The following TYRP1 variants were observed in gnomAD, a reference collection of about 807,000 sequenced individuals.
TYRP1 encodes tyrosinase related protein 1, also known as 5,6-dihydroxyindole-2-carboxylic acid oxidase.
In TYRP1, 49 loss-of-function variants were observed where a neutral mutation model predicts 42.8. The ratio of observed to expected loss-of-function variants is 1.14; its 90% CI spans 0.91 to 1.45. TYRP1 has a LOEUF of 1.45. TYRP1 is among the 40% of genes most tolerant of loss of function. TYRP1 has a pLI of 0.00. For missense variants in TYRP1, 848 were observed against 662.0 expected (o/e 1.28, Z -3.08); for synonymous variants, 279 against 235.4 (o/e 1.19, Z -1.69).
chr9:12,708,471 G>T (rs1265014942), intron 7 of TYRP1, among the ~76,000 whole-genome samples: 2 of 151,898 alleles, frequency 1.3e-5, no homozygotes, highest in Non-Finnish European at 2.9e-5. Flanking sequence ...TGAGGGAAGA[G>T]AATGAGTTTG....
At position 12,695,744 on chromosome 9, in the gene TYRP1, G is replaced by A. The variant is rs1410033580; in HGVS notation, c.615G>A (p.Gln205=). The A allele has an allele frequency of 2.5e-6, 4 of 1,614,028 alleles. No homozygotes were observed. The highest frequency in any genetic ancestry group is 3.4e-6 in the Non-Finnish European group (4 of 1,180,024). ...SVKKTFLGVG[Q]ESFGEVDFSH... ...AAAAGACTTTCCTTGGGGTAGGACA[G>A]GAAAGCTTTGGTGAAGTGGATTTCT... Residue 205 remains glutamine, a synonymous_variant, in exon 3 of 8, where the codon CAG becomes CAA. Coordinates refer to ENST00000388918, the MANE Select transcript of TYRP1 (RefSeq NM_000550.3).
chr9:12,705,757 G>A (rs761293143), intron 6 of TYRP1, among the ~76,000 whole-genome samples: 1 of 151,966 alleles, frequency 6.6e-6, no homozygotes, highest in Non-Finnish European at 1.5e-5. Flanking sequence ...TGAGGCAGGA[G>A]AATCACTTGA....
At position 12,698,585 on chromosome 9, in the gene TYRP1, T is replaced by G; in HGVS notation, c.843T>G (p.Ser281=). The G allele has an allele frequency of 6.2e-7, 1 of 1,613,874 alleles. No individual in the cohort carries two copies. The part of the protein sequence containing the change: ...NFDSTLISPN[S]VFSQWRVVCD... ...ATTCCACTCTAATAAGCCCAAACTC[T>G]GTCTTTTCTCAATGGCGAGTGGTCT... Residue 281 remains serine (S), a synonymous_variant, in exon 4 of 8, where the codon TCT becomes TCG. Transcript: ENST00000388918.
intron 2 of TYRP1, among the ~76,000 whole-genome samples, chr9:12,695,298 A>G (rs1027608062): frequency 6.6e-6 from 1 of 152,210 alleles, no homozygotes; most frequent in African/African-American, 2.4e-5. Context: ...AATATAAATC[A>G]TGCAGTAAAT....
intron 4 of TYRP1, among the ~76,000 whole-genome samples, chr9:12,702,003 A>G (rs576257505): frequency 6.6e-6 from 1 of 152,158 alleles, no homozygotes; most frequent in South Asian, 2.1e-4. Flanking sequence ...ATATTGATTT[A>G]ACAAATATCA....
chr9:12,703,630 A>G (rs565573602), intron 5 of TYRP1, among the ~76,000 whole-genome samples: 1 of 152,118 alleles, frequency 6.6e-6, no homozygotes, highest in East Asian at 1.9e-4. Context: ...TAACAATGGA[A>G]TAGATGCTTG....
chr9:12,702,708 TG>T (rs1434838045), intron 5 of TYRP1, among the ~76,000 whole-genome samples: 10 of 152,054 alleles, frequency 6.6e-5, no homozygotes, highest in African/African-American at 2.4e-4. Flanking sequence ...TTCAAATTTC[TG>T]GTAGCTAGCT....
intron 4 of TYRP1, 63 bp from the exon 5 acceptor site, chr9:12,702,208 A>G (rs1563854893): frequency 5.7e-6 from 9 of 1,571,296 alleles, no homozygotes; most frequent in Non-Finnish European, 7.0e-6. Flanking sequence ...TAAAGTTTTA[A>G]AGAGCGACAA....
At chr9:12,704,980 A>G (rs1367411548) in intron 6 of TYRP1, among the ~76,000 whole-genome samples, 2 of 152,004 alleles carry the variant, frequency 1.3e-5, no homozygotes, top group Non-Finnish European at 1.5e-5. Flanking sequence ...AATGGCTACT[A>G]TGTTTCACAA....
chr9:12,693,599 C>T (rs1057277203), intron 1 of TYRP1, 121 bp downstream of exon 1: 1 of 185,706 alleles, frequency 5.4e-6, no homozygotes, highest in Non-Finnish European at 1.1e-5. Flanking sequence ...TCCTTCAGCT[C>T]CAAGGTTAAA....
intron 6 of TYRP1, among the ~76,000 whole-genome samples, chr9:12,705,881 C>A (rs1000685105): frequency 6.6e-6 from 1 of 152,070 alleles, no homozygotes; most frequent in Non-Finnish European, 1.5e-5. Flanking sequence ...GCAGTTTCAT[C>A]TCATTTTCAT....
chr9:12,707,344 T>G (rs888018022), intron 6 of TYRP1, among the ~76,000 whole-genome samples: 43 of 152,034 alleles, frequency 2.8e-4, no homozygotes, highest in African/African-American at 9.7e-4. Flanking sequence ...AGAAATACGA[T>G]GCTATACAAA....
At chr9:12,707,878 A>T (rs1586847436) in intron 6 of TYRP1, 119 bp from the exon 7 acceptor site, 1 of 956,336 alleles carries the variant, frequency 1.0e-6, no homozygotes, top group East Asian at 2.6e-5. Flanking sequence ...TATTCAGTGT[A>T]AAATAAGAAT....
chr9:12,701,417 C>G (rs1818165872), intron 4 of TYRP1, among the ~76,000 whole-genome samples: 1 of 151,922 alleles, frequency 6.6e-6, no homozygotes, highest in Admixed American at 6.6e-5. Flanking sequence ...AGGTACTGTG[C>G]CAAGTCTGTG....
chr9:12,695,900 T>A (rs1818073199), intron 3 of TYRP1, 63 bp downstream of exon 3: 1 of 1,534,694 alleles, frequency 6.5e-7, no homozygotes, highest in Non-Finnish European at 9.0e-7. Context: ...TTGTAAGTGA[T>A]TTTAATTCAC....
intron 6 of TYRP1, 74 bp from the exon 7 acceptor site, chr9:12,707,923 C>G: frequency 7.0e-7 from 1 of 1,426,944 alleles, no homozygotes; most frequent in Non-Finnish European, 9.6e-7. Context: ...ATATTGGATG[C>G]CTTTAGAACT....
intron 3 of TYRP1, among the ~76,000 whole-genome samples, chr9:12,698,241 C>G (rs1211477014): frequency 6.6e-6 from 1 of 152,086 alleles, no homozygotes; most frequent in Non-Finnish European, 1.5e-5. Context: ...TTCATTCCCT[C>G]TAATGCCTAA....
chr9:12,694,314 A>G lies in TYRP1; in HGVS notation c.318A>G (p.Ser106=). Residue 106 remains serine, a synonymous_variant, in exon 2 of 8, where the codon TCA becomes TCG. Coordinates refer to ENST00000388918, the MANE Select transcript of TYRP1 (RefSeq NM_000550.3). ...NRTCHCNGNF[S]GHNCGTCRPG... ...CATGTCACTGCAACGGCAATTTCTC[A>G]GGACACAACTGTGGGACGTGCCGTC... 1.2e-6 allele frequency: 2 copies of G among 1,612,452 alleles called. No homozygotes were observed. The highest frequency in any genetic ancestry group is 1.7e-5 in the Admixed American group (1 of 60,018).
Position 12,707,997 on chromosome 9 carries a change from A to T in TYRP1, c.1262A>T (p.Asp421Val), listed in dbSNP as rs1349335102. 2 of 1,610,472 alleles carry T rather than the reference A, an allele frequency of 1.2e-6. No individual in the cohort carries two copies. The highest frequency in any genetic ancestry group is 1.7e-5 in the Admixed American group (1 of 59,756). The change falls in exon 7 of 8, where the codon GAT becomes GTT. Residue 421 changes from aspartate to valine, a missense_variant and splice_region_variant. Asp to Val is a radical substitution (Grantham distance 152). Transcript: ENST00000388918. The stretch of plus-strand genomic sequence containing the variant: ...ATACGTTGTCTTTGGAATAATTTAG[A>T]TATATCCACATTTCCATTGGAAAAT... ...FDEWLRRYNA[D>V]ISTFPLENAP...
Sources: allele counts gnomAD v4.1 joint callset (sites outside exome capture counted in the v4.1 genomes callset), GRCh38; gene constraint gnomAD v4.1.1; transcripts MANE v1.5; gene names NCBI Gene and HGNC (gene_info 2026-07-23, HGNC 2026-07-21).